DMGDH: variants seen among roughly 807,000 people sequenced by gnomAD.
The protein encoded by DMGDH is dimethylglycine dehydrogenase, also known as dimethylglycine dehydrogenase, mitochondrial.
DMGDH carries 76 observed loss-of-function variants against 95.2 expected under a neutral mutation model. That is an observed-to-expected ratio of 0.80 (90% CI 0.66 to 0.97). DMGDH has a LOEUF of 0.97. DMGDH is among the 50% of genes least tolerant of loss of function. DMGDH has a pLI of 0.00. For synonymous variants in DMGDH, 345 were observed against 377.6 expected, an observed-to-expected ratio of 0.91 and a Z score of 1.00; for missense variants, 987 against 1,055.0, an observed-to-expected ratio of 0.94 and a Z score of 0.89.
At chr5:79,055,147 A>G (rs1754988413) in intron 3 of DMGDH, among the ~76,000 whole-genome samples, 1 of 152,246 alleles carries the variant, frequency 6.6e-6, no homozygotes, top group African/African-American at 2.4e-5. Context: ...CCAAAACTAT[A>G]TGTTATTGAG....
At chr5:79,024,176 T>TC in intron 14 of DMGDH, 95 bp downstream of exon 14, 1 of 1,086,558 alleles carries the variant, frequency 9.2e-7, no homozygotes, top group Non-Finnish European at 1.4e-6. Context: ...TCTCCTATAA[T>TC]CCATACTTGG....
intron 13 of DMGDH, among the ~76,000 whole-genome samples, chr5:79,025,662 C>T (rs1055981956): frequency 1.3e-5 from 2 of 152,168 alleles, no homozygotes; most frequent in African/African-American, 4.8e-5. Context: ...ACCCAAGAGT[C>T]CCCGCTCTGA....
chr5:79,000,299 C>T (rs1054048484), intron 15 of DMGDH: 12 of 669,836 alleles, frequency 1.8e-5, no homozygotes, highest in Non-Finnish European at 3.4e-5. Flanking sequence ...AGAAGATGCC[C>T]ACCAGCTGCT....
At chr5:79,017,350 T>C (rs552215604) in intron 14 of DMGDH, among the ~76,000 whole-genome samples, 1 of 151,808 alleles carries the variant, frequency 6.6e-6, no homozygotes, top group African/African-American at 2.4e-5. Context: ...AGGTAAGAGA[T>C]TTAACCAGAC....
In DMGDH at chr5:79,005,293, T is replaced by C; in HGVS notation, c.2365A>G (p.Ser789Gly). 6.2e-7 allele frequency: 1 copy of C among 1,613,806 alleles called. No homozygotes were observed. The highest frequency in any genetic ancestry group is 2.2e-5 in the East Asian group (1 of 44,888). ...CTCACCTTGCCATTGTACCAGATGC[T>C]TTCATTTCCCTCTGGATCAACATCA... ...TDDVDPEGNESIWYNGKVVGN... is the reference protein window; with the variant it reads ...TDDVDPEGNEGIWYNGKVVGN... Residue 789 changes from serine to glycine, a missense_variant, in exon 15 of 16, where the codon AGC (serine) becomes GGC (glycine). Physicochemically the swap from Ser to Gly is moderately conservative, Grantham distance 56. Coordinates refer to ENST00000255189, the MANE Select transcript of DMGDH (RefSeq NM_013391.3).
chr5:79,058,288 T>C (rs182890803), intron 2 of DMGDH, among the ~76,000 whole-genome samples: 1,573 of 152,336 alleles, frequency 0.01, 22 homozygotes, highest in African/African-American at 0.036. Flanking sequence ...AATTTGGGGC[T>C]ACCCATATTA....
At chr5:79,057,196 T>C (rs1755058163) in intron 2 of DMGDH, among the ~76,000 whole-genome samples, 1 of 152,214 alleles carries the variant, frequency 6.6e-6, no homozygotes, top group African/African-American at 2.4e-5. Context: ...AAATATTAGC[T>C]ACACTAAAAC....
intron 5 of DMGDH, among the ~76,000 whole-genome samples, chr5:79,048,168 T>C (rs1754735008): frequency 6.6e-6 from 1 of 152,172 alleles, no homozygotes; most frequent in South Asian, 2.1e-4. Context: ...TACTGCTTTC[T>C]ACCTGGTGAG....
At chr5:79,067,505 C>T (rs1755412571) in intron 1 of DMGDH, among the ~76,000 whole-genome samples, 1 of 152,166 alleles carries the variant, frequency 6.6e-6, no homozygotes, top group African/African-American at 2.4e-5. Flanking sequence ...GGGTTTGAGT[C>T]CCCAATCCAA....
At chr5:79,049,084 G>C (rs1165877669) in intron 5 of DMGDH, among the ~76,000 whole-genome samples, 1 of 152,104 alleles carries the variant, frequency 6.6e-6, no homozygotes, top group Non-Finnish European at 1.5e-5. Flanking sequence ...TGTTTTCCAG[G>C]CTCGTACGAG....
chr5:79,023,708 T>A (rs1175927091), intron 14 of DMGDH, among the ~76,000 whole-genome samples: 2 of 152,212 alleles, frequency 1.3e-5, no homozygotes, highest in Non-Finnish European at 2.9e-5. Context: ...TTATGATTAT[T>A]TGGGCTTATA....
chr5:79,015,421 C>T (rs966487497), intron 14 of DMGDH, among the ~76,000 whole-genome samples: 2 of 152,196 alleles, frequency 1.3e-5, no homozygotes, highest in Non-Finnish European at 2.9e-5. Flanking sequence ...TCACTCCTTA[C>T]TCAAAATTCT....
At chr5:79,000,116 T>C (rs1484780517) in intron 15 of DMGDH, 1 of 462,262 alleles carries the variant, frequency 2.2e-6, no homozygotes, top group Non-Finnish European at 4.2e-6. Context: ...TGAACATTTT[T>C]TGTTTTTTTT....
At chr5:79,028,339 T>C (rs1754056717) in intron 12 of DMGDH, 94 bp downstream of exon 12, 1 of 1,130,112 alleles carries the variant, frequency 8.8e-7, no homozygotes, top group Non-Finnish European at 1.3e-6. Flanking sequence ...CACTCACACA[T>C]TTCTTGTGAC....
At chr5:79,026,672 A>G in intron 12 of DMGDH, 91 bp from the exon 13 acceptor site, 1 of 1,556,820 alleles carries the variant, frequency 6.4e-7, no homozygotes, top group Non-Finnish European at 8.8e-7. Flanking sequence ...AGCAGGAGAA[A>G]TTCCACTTAT....
Position 78,998,049 on chromosome 5 carries a change from A to T in DMGDH, c.*33T>A. On this transcript the variant is annotated 3_prime_UTR_variant, in exon 16 of 16. Coordinates refer to ENST00000255189, the MANE Select transcript of DMGDH (RefSeq NM_013391.3). Reference sequence around the variant, plus strand: ...ATAATTTCAAGGACAGTCATTAGCAACTCTAATTCAGTTGACTGCTGAAGG... The same window carrying T: ...ATAATTTCAAGGACAGTCATTAGCATCTCTAATTCAGTTGACTGCTGAAGG... 6.2e-7 allele frequency: 1 copy of T among 1,606,570 alleles called. No individual in the cohort carries two copies. The highest frequency in any genetic ancestry group is 8.5e-7 in the Non-Finnish European group (1 of 1,173,272).
chr5:79,017,306 CA>C (rs1260423022), intron 14 of DMGDH, among the ~76,000 whole-genome samples: 3 of 151,654 alleles, frequency 2.0e-5, no homozygotes, highest in African/African-American at 7.3e-5. Context: ...ATACAGAAAG[CA>C]CTTTAAAAAC....
intron 4 of DMGDH, among the ~76,000 whole-genome samples, chr5:79,053,645 T>C (rs1225402388): frequency 6.6e-6 from 1 of 152,204 alleles, no homozygotes; most frequent in African/African-American, 2.4e-5. Context: ...AAAGGAATTA[T>C]TACCCACTAG....
At chr5:79,047,782 GT>G (rs1754724913) in intron 5 of DMGDH, among the ~76,000 whole-genome samples, 1 of 152,140 alleles carries the variant, frequency 6.6e-6, no homozygotes, top group Non-Finnish European at 1.5e-5. Context: ...ACACAATAGT[GT>G]TTCTTCAAAG....
Sources: allele counts gnomAD v4.1 joint callset (sites outside exome capture counted in the v4.1 genomes callset), GRCh38; gene constraint gnomAD v4.1.1; transcripts MANE v1.5; gene names NCBI Gene and HGNC (gene_info 2026-07-23, HGNC 2026-07-21).